ZBTB20: variants seen among roughly 807,000 people sequenced by gnomAD.
The protein encoded by ZBTB20 is zinc finger and BTB domain-containing protein 20.
A neutral mutation model predicts 56.9 loss-of-function variants in ZBTB20; 9 were observed. The observed-to-expected ratio is 0.16, with a 90% CI of 0.10 to 0.28. The LOEUF is 0.28. Among genes scored for constraint, ZBTB20 ranks in the 10% least tolerant of loss-of-function variants. The probability of loss-of-function intolerance (pLI) is 1.00; values close to 1 mark genes in which losing one functional copy is unlikely to be tolerated. For missense variants in ZBTB20, 655 were observed against 1,003.0 expected (o/e 0.65, Z 4.69); for synonymous variants, 417 against 420.7 (o/e 0.99, Z 0.11).
chr3:115,065,239 T>C (rs1055291222), intron 2 of ZBTB20, among the ~76,000 whole-genome samples: 2 of 152,214 alleles, frequency 1.3e-5, no homozygotes, highest in Non-Finnish European at 2.9e-5. Context: ...TCTTTTTATA[T>C]AATCTTGTCA....
chr3:114,772,601 C>T (rs2069296987), intron 5 of ZBTB20, among the ~76,000 whole-genome samples: 1 of 152,004 alleles, frequency 6.6e-6, no homozygotes, highest in African/African-American at 2.4e-5. Context: ...TACCAAGTTT[C>T]ATAACATATA....
chr3:114,872,643 A>T (rs1008401428), intron 4 of ZBTB20, among the ~76,000 whole-genome samples: 1 of 151,672 alleles, frequency 6.6e-6, no homozygotes, highest in Admixed American at 6.6e-5. Flanking sequence ...CCAGAAATAA[A>T]AAAAAAAAAG....
intron 2 of ZBTB20, among the ~76,000 whole-genome samples, chr3:115,006,316 T>C (rs967301425): frequency 2.0e-5 from 3 of 151,778 alleles, no homozygotes; most frequent in African/African-American, 4.8e-5. Flanking sequence ...AGGACAGGAA[T>C]ATTCTATTTT....
At chr3:115,124,742 C>G (rs2108653269) in intron 1 of ZBTB20, among the ~76,000 whole-genome samples, 1 of 152,096 alleles carries the variant, frequency 6.6e-6, no homozygotes, top group South Asian at 2.1e-4. Flanking sequence ...TGAGGAAACA[C>G]AAGAACATAC....
intron 4 of ZBTB20, among the ~76,000 whole-genome samples, chr3:114,813,230 T>C (rs1051945658): frequency 6.6e-6 from 1 of 152,246 alleles, no homozygotes; most frequent in Non-Finnish European, 1.5e-5. Context: ...AGGTTATCAA[T>C]AGGGCAATAT....
intron 4 of ZBTB20, among the ~76,000 whole-genome samples, chr3:114,847,584 G>A (rs1198990568): frequency 6.6e-6 from 1 of 152,158 alleles, no homozygotes; most frequent in Non-Finnish European, 1.5e-5. Flanking sequence ...TGGGACCAGT[G>A]AAATGGAGAA....
At chr3:115,026,277 T>G (rs973585450) in intron 2 of ZBTB20, among the ~76,000 whole-genome samples, 7 of 151,026 alleles carry the variant, frequency 4.6e-5, no homozygotes, top group Non-Finnish European at 8.9e-5. Flanking sequence ...CACTGTACTG[T>G]GCTTACTGAC....
At chr3:114,617,776 C>A (rs965544461) in intron 6 of ZBTB20, among the ~76,000 whole-genome samples, 39 of 152,278 alleles carry the variant, frequency 2.6e-4, no homozygotes, top group African/African-American at 8.9e-4. Flanking sequence ...AAGGCCTTTG[C>A]ACTTGATGGT....
intron 6 of ZBTB20, among the ~76,000 whole-genome samples, chr3:114,559,495 C>T (rs939516696): frequency 3.3e-5 from 5 of 152,128 alleles, no homozygotes; most frequent in Admixed American, 6.6e-5. Context: ...CTGAGGTCCA[C>T]CAATAGGCTT....
intron 6 of ZBTB20, among the ~76,000 whole-genome samples, chr3:114,517,209 T>C (rs996012297): frequency 2.0e-5 from 3 of 152,226 alleles, no homozygotes; most frequent in African/African-American, 7.2e-5. Context: ...TTGTTGAGTA[T>C]CTCCTATGTG....
At chr3:114,722,328 C>T (rs1169849170) in intron 5 of ZBTB20, among the ~76,000 whole-genome samples, 1 of 152,154 alleles carries the variant, frequency 6.6e-6, no homozygotes, top group African/African-American at 2.4e-5. Context: ...TGGGTGTATG[C>T]AAACCTAGTA....
chr3:114,490,839 C>G (rs2042668941), intron 7 of ZBTB20, among the ~76,000 whole-genome samples: 1 of 151,922 alleles, frequency 6.6e-6, no homozygotes, highest in South Asian at 2.1e-4. Flanking sequence ...AATAACAAAA[C>G]AAAACAAAAA....
chr3:114,815,951 T>C (rs1366759992), intron 4 of ZBTB20, among the ~76,000 whole-genome samples: 1 of 152,154 alleles, frequency 6.6e-6, no homozygotes, highest in Non-Finnish European at 1.5e-5. Context: ...CACTACAACA[T>C]TAATATGAAG....
At chr3:114,539,199 C>A (rs987269000) in intron 6 of ZBTB20, among the ~76,000 whole-genome samples, 1 of 152,072 alleles carries the variant, frequency 6.6e-6, no homozygotes, top group South Asian at 2.1e-4. Flanking sequence ...CACAATTATT[C>A]TGCTAGTTGG....
At chr3:114,949,623 C>T (rs2076994894) in intron 3 of ZBTB20, among the ~76,000 whole-genome samples, 1 of 145,332 alleles carries the variant, frequency 6.9e-6, no homozygotes, top group Admixed American at 6.6e-5. Context: ...CAAAAATTAA[C>T]TGGGCATGGT....
chr3:114,773,545 T>C (rs1317619118), intron 5 of ZBTB20, among the ~76,000 whole-genome samples: 2 of 152,138 alleles, frequency 1.3e-5, no homozygotes, highest in Non-Finnish European at 2.9e-5. Flanking sequence ...ACAGGGAGTG[T>C]ATATCTACTC....
At chr3:114,434,558 TTGTGTGTGTG>T (rs71146320) in intron 7 of ZBTB20, among the ~76,000 whole-genome samples, 1 of 145,944 alleles carries the variant, frequency 6.9e-6, no homozygotes, top group African/African-American at 2.6e-5. Flanking sequence ...GTGTGTGTGT[TTGTGTGTGTG>T]TGTGTGTGTA....
intron 3 of ZBTB20, among the ~76,000 whole-genome samples, chr3:114,915,974 T>C (rs1405449774): frequency 6.6e-6 from 1 of 151,920 alleles, no homozygotes; most frequent in Non-Finnish European, 1.5e-5. Flanking sequence ...TTTGTAGTCT[T>C]AGGTATCCTT....
chr3:115,145,792 T>C (rs1401636574), intron 1 of ZBTB20, among the ~76,000 whole-genome samples: 1 of 152,206 alleles, frequency 6.6e-6, no homozygotes, highest in Non-Finnish European at 1.5e-5. Flanking sequence ...AATTTAAAGA[T>C]GACTGGTTAT....
Sources: allele counts gnomAD v4.1 joint callset (sites outside exome capture counted in the v4.1 genomes callset), GRCh38; gene constraint gnomAD v4.1.1; transcripts MANE v1.5; gene names NCBI Gene and HGNC (gene_info 2026-07-23, HGNC 2026-07-21).